The following DSP variants were observed in gnomAD, a reference collection of about 807,000 sequenced individuals.
DSP encodes 250/210 kDa paraneoplastic pemphigus antigen.
A neutral mutation model predicts 290.6 loss-of-function variants in DSP; 114 were observed. The observed-to-expected ratio is 0.39, with a 90% CI of 0.34 to 0.46. The LOEUF (loss-of-function observed/expected upper bound fraction) is 0.46, where lower values mean the gene tolerates loss of function less well. Among genes scored for constraint, DSP ranks in the 20% least tolerant of loss-of-function variants. DSP has a pLI of 0.99. For synonymous variants in DSP, 1,311 were observed against 1,316.4 expected, an observed-to-expected ratio of 1.00 and a Z score of 0.09; for missense variants, 3,230 against 3,495.8, an observed-to-expected ratio of 0.92 and a Z score of 1.92.
intron 15 of DSP, 62 bp downstream of exon 15, chr6:7,572,130 T>A (rs1759075923): frequency 1.4e-6 from 2 of 1,407,988 alleles, no homozygotes; most frequent in Admixed American, 1.9e-5. Flanking sequence ...TGTAAATGAA[T>A]AAAAAAAATC....
intron 10 of DSP, 38 bp downstream of exon 10, chr6:7,567,944 G>T (rs1758914691): frequency 1.2e-6 from 2 of 1,609,616 alleles, no homozygotes; most frequent in African/African-American, 1.3e-5. Flanking sequence ...AGCTGTGCCT[G>T]ATCAGGGAGA....
At chr6:7,552,498 G>A (rs1429236088) in intron 1 of DSP, among the ~76,000 whole-genome samples, 1 of 150,996 alleles carries the variant, frequency 6.6e-6, no homozygotes, top group Non-Finnish European at 1.5e-5. Flanking sequence ...AGGAAGTGGA[G>A]GTTGCAGTGA....
intron 9 of DSP, 123 bp from the exon 10 acceptor site, chr6:7,567,658 A>G: frequency 6.7e-7 from 1 of 1,488,374 alleles, no homozygotes; most frequent in Non-Finnish European, 9.3e-7. Flanking sequence ...TTTCTGCACG[A>G]ATTTTTTCCT....
At position 7,585,612 on chromosome 6, in the gene DSP, T is replaced by A. The variant is rs1240301188; in HGVS notation, c.8350T>A (p.Ser2784Thr). The change falls in exon 24 of 24, where the codon TCC (serine) becomes ACC (threonine). Residue 2784 changes from serine (S) to threonine (T), a missense_variant. By Grantham distance (58) the Ser-to-Thr change is moderately conservative. This residue lies in a region of DSP where 582 missense variants were observed against 555.4 expected (regional missense o/e 1.05). Coordinates refer to ENST00000379802, the MANE Select transcript of DSP (RefSeq NM_004415.4). ...LTCPKTKLKI[S>T]YKDAINRSMV... ...CTGCCCCAAAACCAAATTAAAAATA[T>A]CCTATAAGGATGCCATAAATCGCTC... 6.2e-7 allele frequency: 1 copy of A among 1,614,074 alleles called. No homozygotes were observed. The highest frequency in any genetic ancestry group is 8.5e-7 in the Non-Finnish European group (1 of 1,180,046).
chr6:7,584,685 A>G lies in DSP; in HGVS notation c.7423A>G (p.Lys2475Glu), dbSNP rs1561703686. Reference protein sequence around the residue: ...RVVIVDPETNKEMSVQEAYKK... With the variant: ...RVVIVDPETNEEMSVQEAYKK... The stretch of plus-strand genomic sequence containing the variant: ...GGTCATAGTTGACCCAGAAACCAAT[A>G]AAGAAATGTCTGTTCAGGAGGCCTA... Residue 2475 changes from lysine to glutamate, a missense_variant, in exon 24 of 24, where the codon AAA becomes GAA. By Grantham distance (56) the Lys-to-Glu change is moderately conservative. This residue lies in a region of DSP where 582 missense variants were observed against 555.4 expected (regional missense o/e 1.05). Transcript: ENST00000379802. The surrounding 1 kb of genome is among the most constrained non-coding windows in gnomAD (Gnocchi z 6.4). The G allele has an allele frequency of 2.5e-6, 4 of 1,614,196 alleles. No homozygotes were observed. Among genetic ancestry groups the G allele is most frequent in the Non-Finnish European group, 3.4e-6 (4 of 1,180,032 alleles).
At chr6:7,577,682 C>A in intron 20 of DSP, 97 bp from the exon 21 acceptor site, 1 of 998,084 alleles carries the variant, frequency 1.0e-6, no homozygotes, top group Non-Finnish European at 1.6e-6. Context: ...GGCAATTAGA[C>A]GTGCAGCCCA....
rs1264872169 is a variant in DSP at position 7,583,708 on chromosome 6, T to G, written c.6446T>G (p.Leu2149Trp). The change falls in exon 24 of 24, where the codon TTG becomes TGG. Residue 2149 changes from leucine to tryptophan, a missense_variant. Transcript: ENST00000379802. The surrounding 1 kb of genome is among the most constrained non-coding windows in gnomAD (Gnocchi z 4.0). ...NSVFLPKDVA[L>W]ARGLIDRDLY... ...GTCTTTTTGCCAAAAGATGTCGCCT[T>G]GGCCCGGGGGCTGATTGATAGAGAT... 2 of 1,614,128 alleles carry G rather than the reference T, an allele frequency of 1.2e-6. No individual in the cohort carries two copies. Among genetic ancestry groups the G allele is most frequent in the Non-Finnish European group, 1.7e-6 (2 of 1,180,024 alleles).
chr6:7,584,331 G>C lies in DSP; in HGVS notation c.7069G>C (p.Glu2357Gln). 1 of 1,614,110 alleles carries C rather than the reference G, an allele frequency of 6.2e-7. No individual in the cohort carries two copies. The part of the protein sequence containing the change: ...IISLFQAMNK[E>Q]LIEKGHGIRL... ...CTCTTTGTTCCAAGCCATGAATAAGGAACTCATCGAAAAGGGCCACGGTAT... is the reference window on the plus strand; with the variant it reads ...CTCTTTGTTCCAAGCCATGAATAAGCAACTCATCGAAAAGGGCCACGGTAT... The change falls in exon 24 of 24, where the codon GAA becomes CAA. Residue 2357 changes from glutamate (E) to glutamine (Q), a missense_variant. Physicochemically the swap from Glu to Gln is conservative, Grantham distance 29. Transcript: ENST00000379802. The surrounding 1 kb of genome is among the most constrained non-coding windows in gnomAD (Gnocchi z 6.4).
Position 7,585,245 on chromosome 6 carries a change from C to G in DSP, c.7983C>G (p.Ile2661Met). The change falls in exon 24 of 24, where the codon ATC becomes ATG. Residue 2661 changes from isoleucine to methionine, a missense_variant. Ile to Met is a conservative substitution (Grantham distance 10). Coordinates refer to ENST00000379802, the MANE Select transcript of DSP (RefSeq NM_004415.4). Reference sequence around the variant, plus strand: ...CTCAGGCCTGCACAGGTGGCATCATCCACCCAACCACGGGCCAGAAGCTGT... The same window carrying G: ...CTCAGGCCTGCACAGGTGGCATCATGCACCCAACCACGGGCCAGAAGCTGT... ...LEAQACTGGI[I>M]HPTTGQKLSL... 6.2e-7 allele frequency: 1 copy of G among 1,614,164 alleles called. No individual in the cohort carries two copies. Among genetic ancestry groups the G allele is most frequent in the Non-Finnish European group, 8.5e-7 (1 of 1,180,044 alleles).
At chr6:7,555,968 A>G (rs1393052490) in intron 2 of DSP, 148 bp downstream of exon 2, 3 of 734,680 alleles carry the variant, frequency 4.1e-6, no homozygotes, top group African/African-American at 1.7e-5. Context: ...CTACAGAGAG[A>G]TGTGTGTCTT....
chr6:7,578,609 T>A lies in DSP; in HGVS notation c.3084+47T>A, dbSNP rs780513791. 1.6e-5 allele frequency: 22 copies of A among 1,391,288 alleles called. No individual in the cohort carries two copies. In the South Asian group the frequency reaches 2.6e-4, roughly 16 times the overall value. 86.2% of individuals were successfully genotyped at this position (1,391,288 alleles called of 1,614,324 possible). A position where few individuals can be genotyped will look rare whatever the true frequency, so the allele number is the denominator to read the frequency against. On this transcript the variant is annotated intron_variant, in intron 22 of 23. Coordinates refer to ENST00000379802, the MANE Select transcript of DSP (RefSeq NM_004415.4). The stretch of plus-strand genomic sequence containing the variant: ...TGTAGCGTCAAAAAAGAAAATAGAA[T>A]AGAACCTTATTATTACTTCCACATT...
At position 7,584,627 on chromosome 6, in the gene DSP, A is replaced by G; in HGVS notation, c.7365A>G (p.Thr2455=). The change falls in exon 24 of 24, where the codon ACA becomes ACG. Residue 2455 remains threonine (T), a synonymous_variant. Transcript: ENST00000379802. The surrounding 1 kb of genome is among the most constrained non-coding windows in gnomAD (Gnocchi z 6.4). ...AAGAAAAGAAGAAACAGGTGCAGAC[A>G]TCACAAAAGAATACCCTCAGGAAGC... ...PLKEKKKQVQ[T]SQKNTLRKRR... 6.2e-7 allele frequency: 1 copy of G among 1,614,170 alleles called. No individual in the cohort carries two copies. The highest frequency in any genetic ancestry group is 8.5e-7 in the Non-Finnish European group (1 of 1,180,024).
At chr6:7,568,733 A>G (rs1021478693) in intron 11 of DSP, 144 bp downstream of exon 11, 11 of 904,320 alleles carry the variant, frequency 1.2e-5, no homozygotes, top group Non-Finnish European at 1.9e-5. Context: ...GCTATGGAAC[A>G]AAAGCAGCAG....
chr6:7,562,576 C>T (rs1758728286), intron 4 of DSP, 76 bp from the exon 5 acceptor site: 7 of 1,605,618 alleles, frequency 4.4e-6, no homozygotes, highest in South Asian at 2.2e-5. Context: ...GAAGTAAAGC[C>T]GTGATGGTGT....
chr6:7,552,056 A>G (rs1476909999), intron 1 of DSP, among the ~76,000 whole-genome samples: 1 of 152,222 alleles, frequency 6.6e-6, no homozygotes, highest in Non-Finnish European at 1.5e-5. Context: ...AGTTGTGTAT[A>G]TGATGAAATT....
chr6:7,577,037 A>G lies in DSP; in HGVS notation c.2872A>G (p.Ile958Val), dbSNP rs377116090. The G allele has an allele frequency of 3.1e-6, 5 of 1,609,776 alleles. No individual in the cohort carries two copies. The African/African-American group carries it at 4.0e-5, about 13-fold the overall frequency. ...QKIAELCANS[I>V]KDYELQLASY... The stretch of plus-strand genomic sequence containing the variant: ...AATTGCTGAACTTTGCGCCAATTCA[A>G]TTAAGGTATGTTGGTTTCATAAAGA... The change falls in exon 20 of 24, where the codon ATT becomes GTT. Residue 958 changes from isoleucine (I) to valine (V), a missense_variant. By Grantham distance (29) the Ile-to-Val change is conservative (BLOSUM62 3). This residue lies in a region of DSP where 1,714 missense variants were observed against 1,844.5 expected (regional missense o/e 0.93). Transcript: ENST00000379802.
Position 7,541,910 on chromosome 6 carries a change from G to A in DSP, c.-6G>A, listed in dbSNP as rs777288836. The A allele has an allele frequency of 1.9e-6, 3 of 1,603,038 alleles. No individual in the cohort carries two copies. The highest frequency in any genetic ancestry group is 1.4e-5 in the African/African-American group (1 of 72,808). On this transcript the variant is annotated 5_prime_UTR_variant, in exon 1 of 24. Transcript: ENST00000379802. ...CGCTGAGCCGCTCTCCCGATTGCCC[G>A]CCGACATGAGCTGCAACGGAGGCTC...
At position 7,543,393 on chromosome 6, in the gene DSP, CTTTTTT is replaced by C. The variant is rs397886749; in HGVS notation, c.170+1325_170+1330del. ...GGGGCATCCTGAAAATCTATTTTCG[CTTTTTT>C]TTTTTTTTTTTTTTTTGAGTTAGCA... On this transcript the variant is annotated intron_variant, in intron 1 of 23. Transcript: ENST00000379802. Among the ~76,000 whole-genome samples, 59 of 80,030 alleles carry C rather than the reference CTTTTTT, an allele frequency of 7.4e-4. 2 individuals carry two copies. The highest frequency in any genetic ancestry group is 3.0e-3 in the Admixed American group (21 of 6,922). 52.5% of individuals were successfully genotyped at this position (80,030 alleles called of 152,430 possible).
In DSP at chr6:7,581,340, A is replaced by G. The variant is rs1759433623; in HGVS notation, c.5150A>G (p.His1717Arg). 6.2e-7 allele frequency: 1 copy of G among 1,614,122 alleles called. No homozygotes were observed. The highest frequency in any genetic ancestry group is 8.5e-7 in the Non-Finnish European group (1 of 1,180,050). Residue 1717 changes from histidine to arginine, a missense_variant, in exon 23 of 24, where the codon CAC becomes CGC. His to Arg is a conservative substitution (Grantham distance 29). Coordinates refer to ENST00000379802, the MANE Select transcript of DSP (RefSeq NM_004415.4). ...CTCACAGAGAACCTGACCAAGGAGCACTTGATGTTAGAAGAAGAACTGCGG... is the reference window on the plus strand; with the variant it reads ...CTCACAGAGAACCTGACCAAGGAGCGCTTGATGTTAGAAGAAGAACTGCGG... ...QSLTENLTKE[H>R]LMLEEELRNL...
Sources: gnomAD v4.1 joint callset for allele counts (sites outside exome capture counted in the v4.1 genomes callset) on GRCh38, gnomAD v4.1.1 for gene constraint, gnomAD v4.1.1 regional missense constraint, Gnocchi (gnomAD v3.1) non-coding constraint, MANE v1.5 for transcripts, NCBI Gene and HGNC (gene_info 2026-07-23, HGNC 2026-07-21) for gene names.